Variants in MIOS observed in about 807,000 individuals in gnomAD.
MIOS encodes the protein meiosis regulator for oocyte development.
A neutral mutation model predicts 96.9 loss-of-function variants in MIOS; 52 were observed. The ratio of observed to expected loss-of-function variants is 0.54; its 90% confidence interval spans 0.43 to 0.68. MIOS has a LOEUF of 0.68. MIOS is among the 30% of genes least tolerant of loss of function. The probability of loss-of-function intolerance (pLI) is 0.00; values close to 1 mark genes in which losing one functional copy is unlikely to be tolerated. For missense variants in MIOS, 1,005 were observed against 1,052.8 expected (o/e 0.95, Z 0.63); for synonymous variants, 397 against 359.5 (o/e 1.10, Z -1.18).
rs144439624 is a variant in MIOS at position 7,589,622 on chromosome 7, TC to T, written c.2043+60del. The stretch of plus-strand genomic sequence containing the variant: ...TAACAATATTCTATATTTTCTTTCC[TC>T]AGTTGAAAGTAAATATGCACTTTTG... On this transcript the variant is annotated intron_variant, in intron 9 of 12. Transcript: ENST00000340080. 3,160 of 1,532,408 alleles carry T rather than the reference TC, an allele frequency of 2.1e-3. 73 individuals carry two copies. The African/African-American group carries it at 0.039, about 19-fold the overall frequency. 94.9% of individuals were successfully genotyped at this position (1,532,408 alleles called of 1,614,324 possible). A position where few individuals can be genotyped will look rare whatever the true frequency, so the allele number is the denominator to read the frequency against.
At chr7:7,595,842 A>G (rs920303374) in intron 10 of MIOS, among the ~76,000 whole-genome samples, 1 of 152,220 alleles carries the variant, frequency 6.6e-6, no homozygotes, top group East Asian at 1.9e-4. Flanking sequence ...ATTTACCATT[A>G]TAAGTTTGTT....
intron 11 of MIOS, among the ~76,000 whole-genome samples, chr7:7,597,281 A>G (rs10261261): frequency 0.96 from 144,518 of 149,866 alleles, 69,713 homozygotes; most frequent in East Asian, 1. Flanking sequence ...AGCCAAGATC[A>G]TGCCACTGCA....
At position 7,583,111 on chromosome 7, in the gene MIOS, T is replaced by C. The variant is rs1783781419; in HGVS notation, c.1394-7T>C. ...TAAAACAATATAAAAATGTTTTCTG[T>C]TTTTAGGAATGGTGGAAAGCAGCAG... On this transcript the variant is annotated splice_polypyrimidine_tract_variant and splice_region_variant and intron_variant, in intron 5 of 12. Transcript: ENST00000340080. 1.9e-6 allele frequency: 3 copies of C among 1,597,552 alleles called. No individual in the cohort carries two copies. Among genetic ancestry groups the C allele is most frequent in the Non-Finnish European group, 2.6e-6 (3 of 1,172,538 alleles).
At position 7,600,200 on chromosome 7, in the gene MIOS, A is replaced by ATT. The variant is rs11383757; in HGVS notation, c.2401+3747_2401+3748dup. 1.0e-3 allele frequency among the ~76,000 whole-genome samples: 156 copies of ATT among 150,394 alleles called. 1 individual carries two copies. The highest frequency in any genetic ancestry group is 4.6e-3 in the South Asian group (22 of 4,764). Reference sequence around the variant, plus strand: ...TAAAAAAAAGAAAAAGAAGCAAATTATTTTTTTTTGGCATGTGAAATCAGA... The same window carrying ATT: ...TAAAAAAAAGAAAAAGAAGCAAATTATTTTTTTTTTTGGCATGTGAAATCAGA... On this transcript the variant is annotated intron_variant, in intron 11 of 12. Transcript: ENST00000340080.
chr7:7,585,547 C>G (rs1016253850), intron 6 of MIOS, 89 bp from the exon 7 acceptor site: 1 of 1,219,252 alleles, frequency 8.2e-7, no homozygotes. Flanking sequence ...GTAAAAGTCA[C>G]CCTCTGATTT....
intron 8 of MIOS, among the ~76,000 whole-genome samples, 179 bp from the exon 9 acceptor site, chr7:7,589,225 TG>T (rs1413235215): frequency 1.3e-5 from 2 of 152,176 alleles, no homozygotes; most frequent in Non-Finnish European, 2.9e-5. Context: ...TAAATGATTA[TG>T]GATATTGCTT....
At chr7:7,576,937 T>C (rs1186307455) in intron 5 of MIOS, among the ~76,000 whole-genome samples, 4 of 152,180 alleles carry the variant, frequency 2.6e-5, no homozygotes, top group Non-Finnish European at 4.4e-5. Context: ...TAGTTAATTT[T>C]AAGTATGTTA....
intron 9 of MIOS, among the ~76,000 whole-genome samples, chr7:7,591,477 A>G (rs1784046786): frequency 6.6e-6 from 1 of 151,554 alleles, no homozygotes; most frequent in Admixed American, 6.6e-5. Context: ...ATGGGGTTTC[A>G]CCATGTTGCC....
intron 7 of MIOS, among the ~76,000 whole-genome samples, chr7:7,588,133 C>T (rs1783944436): frequency 6.6e-6 from 1 of 152,078 alleles, no homozygotes; most frequent in South Asian, 2.1e-4. Flanking sequence ...GAAAGATTTC[C>T]TTAGTTCTCT....
rs369492224 is a variant in MIOS at position 7,572,529 on chromosome 7, T to G, written c.54T>G (p.Phe18Leu). ...ILWAPHHVDR[F>L]VVCDSELSLY... ...GGGCACCACACCATGTTGATAGATTTGTTGTGTGTGACTCAGAACTAAGTC... is the reference window on the plus strand; with the variant it reads ...GGGCACCACACCATGTTGATAGATTGGTTGTGTGTGACTCAGAACTAAGTC... Residue 18 changes from phenylalanine to leucine, a missense_variant, in exon 4 of 13, where the codon TTT becomes TTG. By Grantham distance (22) the Phe-to-Leu change is conservative. This residue lies in a region of MIOS where 137 missense variants were observed against 148.6 expected (regional missense o/e 0.92). Coordinates refer to ENST00000340080, the MANE Select transcript of MIOS (RefSeq NM_019005.4). This position sits in a 1 kb window ranked among gnomAD's most constrained non-coding sequence, Gnocchi z 4.8. The G allele has an allele frequency of 3.1e-6, 5 of 1,614,114 alleles. No individual in the cohort carries two copies. The South Asian group carries it at 3.3e-5, about 11-fold the overall frequency.
At chr7:7,575,582 A>T (rs1181184311) in intron 5 of MIOS, among the ~76,000 whole-genome samples, 1 of 152,190 alleles carries the variant, frequency 6.6e-6, no homozygotes, top group Non-Finnish European at 1.5e-5. Flanking sequence ...GCTACAAAGA[A>T]TTAAACACCA....
At chr7:7,597,186 C>T (rs866064136) in intron 11 of MIOS, among the ~76,000 whole-genome samples, 25 of 151,588 alleles carry the variant, frequency 1.6e-4, no homozygotes, top group South Asian at 1.0e-3. Flanking sequence ...ATTAGCCGGG[C>T]GTGGTGGCAC....
intron 3 of MIOS, among the ~76,000 whole-genome samples, chr7:7,571,697 C>T (rs540446080): frequency 3.3e-5 from 5 of 151,812 alleles, no homozygotes; most frequent in Non-Finnish European, 7.4e-5. Context: ...TCCCCACACA[C>T]AATGACTTTT....
chr7:7,589,665 A>T, intron 9 of MIOS, 102 bp downstream of exon 9: 1 of 1,311,924 alleles, frequency 7.6e-7, no homozygotes. Context: ...TAGGATCTTT[A>T]GAAGGCATTT....
chr7:7,586,531 T>C (rs1783892249), intron 7 of MIOS, among the ~76,000 whole-genome samples: 1 of 152,226 alleles, frequency 6.6e-6, no homozygotes, highest in Admixed American at 6.5e-5. Context: ...GGAAGAACTT[T>C]CTACACTGAA....
chr7:7,593,860 C>T (rs1394865344), intron 9 of MIOS, among the ~76,000 whole-genome samples: 2 of 118,540 alleles, frequency 1.7e-5, no homozygotes, highest in Non-Finnish European at 3.2e-5. Flanking sequence ...GCCTGGCCGA[C>T]AGAGTGAGAC....
intron 11 of MIOS, among the ~76,000 whole-genome samples, chr7:7,604,052 C>T (rs145845982): frequency 0.12 from 14,406 of 116,074 alleles, 775 homozygotes; most frequent in Middle Eastern, 0.3. Context: ...CATTACACAT[C>T]GGGGACTGTT....
chr7:7,598,725 C>G (rs964200589), intron 11 of MIOS, among the ~76,000 whole-genome samples: 2 of 152,094 alleles, frequency 1.3e-5, no homozygotes, highest in African/African-American at 2.4e-5. Context: ...GGCACTCTTC[C>G]TTTTTGCTGA....
At chr7:7,602,340 A>C (rs1784404399) in intron 11 of MIOS, among the ~76,000 whole-genome samples, 1 of 152,240 alleles carries the variant, frequency 6.6e-6, no homozygotes, top group South Asian at 2.1e-4. Flanking sequence ...GTCTCAGCCC[A>C]AAATCTCCTT....
Sources: gnomAD v4.1 joint callset for allele counts (sites outside exome capture counted in the v4.1 genomes callset) on GRCh38, gnomAD v4.1.1 for gene constraint, gnomAD v4.1.1 regional missense constraint, Gnocchi (gnomAD v3.1) non-coding constraint, MANE v1.5 for transcripts, NCBI Gene and HGNC (gene_info 2026-07-23, HGNC 2026-07-21) for gene names.